KRT8: variants seen among roughly 807,000 people sequenced by gnomAD.
KRT8 encodes the protein keratin, type II cytoskeletal 8.
In KRT8, 24 loss-of-function variants were observed where a neutral mutation model predicts 43.0. That is an observed-to-expected ratio of 0.56 (90% confidence interval 0.40 to 0.78). The LOEUF (loss-of-function observed/expected upper bound fraction) is 0.78, where lower values mean the gene tolerates loss of function less well. Ranked by LOEUF, KRT8 falls within the 30% of genes least tolerant of loss-of-function variation. The probability of loss-of-function intolerance (pLI) is 0.00; values close to 1 mark genes in which losing one functional copy is unlikely to be tolerated. For synonymous variants in KRT8, 214 were observed against 261.2 expected (o/e 0.82, Z 1.74); for missense variants, 492 against 638.4 (o/e 0.77, Z 2.47).
At chr12:52,915,038 G>A (rs1771214953) in intron 2 of KRT8, among the ~76,000 whole-genome samples, 1 of 152,162 alleles carries the variant, frequency 6.6e-6, no homozygotes, top group Admixed American at 6.5e-5. Context: ...ACCCTGTGGA[G>A]GGGTGATCAG....
exon 6 of KRT8, chr12:52,898,779 C>T (rs746043558): frequency 2.0e-5 from 32 of 1,614,150 alleles, no homozygotes; most frequent in Non-Finnish European, 4.2e-6. Flanking sequence ...AGCTGCCGCG[C>T]CATGTCCTGC....
chr12:52,912,697 C>T (rs1458647305), intron 2 of KRT8, among the ~76,000 whole-genome samples: 1 of 152,234 alleles, frequency 6.6e-6, no homozygotes, highest in African/African-American at 2.4e-5. Context: ...CCACCTGACA[C>T]AGAGAGGCAG....
chr12:52,944,395 C>T (rs1003253684), intron 2 of KRT8, among the ~76,000 whole-genome samples: 1 of 152,200 alleles, frequency 6.6e-6, no homozygotes, highest in Non-Finnish European at 1.5e-5. Context: ...CTGGCCGAAT[C>T]CAGGTCTTTT....
intron 2 of KRT8, among the ~76,000 whole-genome samples, chr12:52,934,890 AC>A (rs1210595464): frequency 6.6e-6 from 1 of 151,540 alleles, no homozygotes; most frequent in Non-Finnish European, 1.5e-5. Flanking sequence ...AATCGCTTGA[AC>A]CCGGGAGGCA....
At chr12:52,917,386 T>C (rs1045357594) in intron 2 of KRT8, among the ~76,000 whole-genome samples, 5 of 126,312 alleles carry the variant, frequency 4.0e-5, no homozygotes, top group African/African-American at 1.5e-4. Flanking sequence ...TGGACAAGAG[T>C]GAAACTCCAT....
chr12:52,943,709 G>A (rs960571786), intron 2 of KRT8, among the ~76,000 whole-genome samples: 5 of 152,172 alleles, frequency 3.3e-5, no homozygotes, highest in Admixed American at 6.5e-5. Flanking sequence ...TAAAGGCCCC[G>A]CAGGTTAGCT....
intron 2 of KRT8, among the ~76,000 whole-genome samples, chr12:52,923,617 A>C (rs192715916): frequency 0.018 from 2,695 of 151,060 alleles, 72 homozygotes; most frequent in African/African-American, 0.06. Flanking sequence ...ACGGGATTTC[A>C]CCTTGTTAGC....
In KRT8 at chr12:52,936,981, T is replaced by C. The variant is rs112689235; in HGVS notation, c.-47+12475A>G. 5.6e-3 allele frequency among the ~76,000 whole-genome samples: 846 copies of C among 152,164 alleles called. 3 individuals are homozygous for C. Among genetic ancestry groups the C allele is most frequent in the Middle Eastern group, 0.014 (4 of 294 alleles). ...CAAATTTCATGAAGAAGAACTTGAA[T>C]CCAGACATATTTTCAAAACTCTCAA... On this transcript the variant is annotated intron_variant, in intron 2 of 6. Transcript: ENST00000546826.
upstream of KRT8, among the ~76,000 whole-genome samples, chr12:52,907,296 G>A (rs1479203095): frequency 6.6e-6 from 1 of 152,188 alleles, no homozygotes; most frequent in Admixed American, 6.5e-5. Context: ...AAGGGAGAAG[G>A]ACTGGGCCCA....
At chr12:52,918,205 C>CAGAAGAAG (rs1941806980) in intron 2 of KRT8, among the ~76,000 whole-genome samples, 2 of 116,574 alleles carry the variant, frequency 1.7e-5, no homozygotes, top group Non-Finnish European at 3.6e-5. Context: ...AGAAGAAGAA[C>CAGAAGAAG]AAGAAGAAGA....
intron 2 of KRT8, among the ~76,000 whole-genome samples, chr12:52,939,525 G>A (rs117412892): frequency 0.11 from 16,292 of 151,300 alleles, 1,142 homozygotes; most frequent in Non-Finnish European, 0.15. Flanking sequence ...GTTTGAGACC[G>A]GCCTGGCCAA....
At chr12:52,949,384 C>CACCGGGA (rs1942427277) in intron 2 of KRT8, 1 of 1,611,324 alleles carries the variant, frequency 6.2e-7, no homozygotes, top group Admixed American at 1.7e-5. Context: ...AGCCGGGGGT[C>CACCGGGA]TGGCAGGAAT....
chr12:52,938,674 G>A lies in KRT8; in HGVS notation c.-47+10782C>T, dbSNP rs547642337. Among the ~76,000 whole-genome samples, 16 of 151,886 alleles carry A rather than the reference G, an allele frequency of 1.1e-4. No individual in the cohort carries two copies. In the South Asian group the frequency reaches 3.3e-3, roughly 32 times the overall value. On this transcript the variant is annotated intron_variant, in intron 2 of 6. Transcript: ENST00000546826. ...GCTCTGTCGCCGAGGCTGGAGTGCAGTGGTGCGATCTCAGCTCACTGCAAG... is the reference window on the plus strand; with the variant it reads ...GCTCTGTCGCCGAGGCTGGAGTGCAATGGTGCGATCTCAGCTCACTGCAAG...
chr12:52,942,324 C>T (rs181172401), intron 2 of KRT8, among the ~76,000 whole-genome samples: 5 of 152,248 alleles, frequency 3.3e-5, no homozygotes, highest in Admixed American at 1.3e-4. Flanking sequence ...CCAACTTGAC[C>T]AAGGTCACCT....
intron 2 of KRT8, among the ~76,000 whole-genome samples, chr12:52,944,856 C>A (rs559624811): frequency 4.8e-4 from 73 of 152,270 alleles, no homozygotes; most frequent in Admixed American, 4.8e-3. Flanking sequence ...CCAGGGACTC[C>A]AAATAGGGTG....
chr12:52,924,601 A>T (rs1337422602), intron 2 of KRT8, among the ~76,000 whole-genome samples: 1 of 152,172 alleles, frequency 6.6e-6, no homozygotes, highest in Admixed American at 6.5e-5. Context: ...AAAAATAAAT[A>T]AAAATTTAAA....
chr12:52,949,401 C>T (rs1168531952), intron 2 of KRT8: 1 of 1,612,218 alleles, frequency 6.2e-7, no homozygotes, highest in African/African-American at 1.3e-5. Context: ...GAATGGGAGG[C>T]ATCCAGAACG....
exon 7 of KRT8, chr12:52,898,497 T>A: frequency 6.2e-7 from 1 of 1,614,088 alleles, no homozygotes. Flanking sequence ...TGAATACTCA[T>A]GTTCTGCATC....
chr12:52,922,184 TAAAAAAAAAAAAAAAAAAAAAAAAAA>T (rs57023136), intron 2 of KRT8, among the ~76,000 whole-genome samples: 1 of 38,674 alleles, frequency 2.6e-5, no homozygotes, highest in Non-Finnish European at 4.4e-5. Context: ...ACCCTGTCTC[TAAAAAAAAAAAAAAAAAAAAAAAAAA>T]AAAAAAAAAA....
Sources: gnomAD v4.1 joint callset for allele counts (sites outside exome capture counted in the v4.1 genomes callset) on GRCh38, gnomAD v4.1.1 for gene constraint, MANE v1.5 for transcripts, NCBI Gene and HGNC (gene_info 2026-07-23, HGNC 2026-07-21) for gene names.